The following HCRTR2 variants were observed in gnomAD, a reference collection of about 807,000 sequenced individuals.
HCRTR2 encodes the protein hypocretin receptor 2.
Under a neutral mutation model 49.0 loss-of-function variants are expected in HCRTR2, and 22 were observed. The ratio of observed to expected loss-of-function variants is 0.45; its 90% CI spans 0.32 to 0.64. HCRTR2 has a LOEUF of 0.64. HCRTR2 is among the 30% of genes least tolerant of loss of function. HCRTR2 has a pLI of 0.04. For missense variants in HCRTR2, 491 were observed against 559.4 expected (o/e 0.88, Z 1.23); for synonymous variants, 236 against 205.3 (o/e 1.15, Z -1.28).
chr6:55,174,552 C>G lies in HCRTR2; in HGVS notation c.-36C>G. 1 of 1,546,326 alleles carries G rather than the reference C, an allele frequency of 6.5e-7. No homozygotes were observed. The highest frequency in any genetic ancestry group is 1.4e-5 in the African/African-American group (1 of 73,618). ...TGCTCATGGGGCAGGCGGAGAGGAG[C>G]TTGCAGCATTGAGCGGAACCGGACT... is the stretch of plus-strand genomic sequence containing the variant. On this transcript the variant is annotated 5_prime_UTR_variant, in exon 1 of 7. Coordinates refer to ENST00000370862, the MANE Select transcript of HCRTR2 (RefSeq NM_001384272.1).
chr6:55,269,328 CTG>C (rs1766926480), intron 4 of HCRTR2, among the ~76,000 whole-genome samples: 1 of 151,842 alleles, frequency 6.6e-6, no homozygotes, highest in African/African-American at 2.4e-5. Context: ...TTGAACAGAA[CTG>C]ATTCTTTTCA....
At chr6:55,208,615 C>G (rs73437015) in intron 1 of HCRTR2, among the ~76,000 whole-genome samples, 1 of 151,956 alleles carries the variant, frequency 6.6e-6, no homozygotes, top group Admixed American at 6.6e-5. Flanking sequence ...AAGTTTTATT[C>G]GTGATGTTAT....
At chr6:55,242,439 T>C (rs766620118) in intron 1 of HCRTR2, among the ~76,000 whole-genome samples, 2 of 152,160 alleles carry the variant, frequency 1.3e-5, no homozygotes, top group Admixed American at 6.6e-5. Flanking sequence ...GAGTACCTCA[T>C]ATAAGTGGAA....
intron 1 of HCRTR2, among the ~76,000 whole-genome samples, chr6:55,131,248 T>C (rs1764351359): frequency 6.6e-6 from 1 of 151,828 alleles, no homozygotes; most frequent in African/African-American, 2.4e-5. Context: ...GAATACACAG[T>C]AGTTCCCCTT....
intron 1 of HCRTR2, among the ~76,000 whole-genome samples, chr6:55,223,776 A>T (rs1765944335): frequency 6.6e-6 from 1 of 152,116 alleles, no homozygotes; most frequent in South Asian, 2.1e-4. Flanking sequence ...CAACTTACCT[A>T]GAAAAAAAAA....
intron 1 of HCRTR2, among the ~76,000 whole-genome samples, chr6:55,244,361 T>C (rs1766391414): frequency 2.0e-5 from 3 of 151,936 alleles, no homozygotes; most frequent in Non-Finnish European, 2.9e-5. Flanking sequence ...CATTAATGGA[T>C]AAAACATATA....
At chr6:55,230,227 T>C (rs370872625) in intron 1 of HCRTR2, among the ~76,000 whole-genome samples, 2 of 152,240 alleles carry the variant, frequency 1.3e-5, no homozygotes, top group South Asian at 2.1e-4. Context: ...TTAAAGTCTT[T>C]AGTACAGATT....
At chr6:55,216,043 C>T (rs1253622669) in intron 1 of HCRTR2, among the ~76,000 whole-genome samples, 2 of 152,174 alleles carry the variant, frequency 1.3e-5, no homozygotes, top group East Asian at 3.9e-4. Flanking sequence ...AAGAGCCAAA[C>T]TGGCTTTTAT....
intron 1 of HCRTR2, among the ~76,000 whole-genome samples, chr6:55,134,834 T>C (rs4434472): frequency 0.25 from 37,270 of 151,866 alleles, 4,981 homozygotes; most frequent in African/African-American, 0.33. Flanking sequence ...GACTGAATAA[T>C]ATTTCATTCT....
chr6:55,224,375 T>C lies in HCRTR2; in HGVS notation c.224-24264T>C, dbSNP rs543217303. Reference sequence around the variant, plus strand: ...GCTCACGCCTGTAATCGCAGCACTTTGGGAGGCCGAGGCGGGCAGATCACG... The same window carrying C: ...GCTCACGCCTGTAATCGCAGCACTTCGGGAGGCCGAGGCGGGCAGATCACG... On this transcript the variant is annotated intron_variant, in intron 1 of 6. Coordinates refer to ENST00000370862, the MANE Select transcript of HCRTR2 (RefSeq NM_001384272.1). 8.7e-4 allele frequency among the ~76,000 whole-genome samples: 133 copies of C among 152,138 alleles called. 3 individuals carry two copies. In the South Asian group the frequency reaches 0.027, roughly 31 times the overall value.
chr6:55,279,416 C>T (rs1767143427), intron 5 of HCRTR2, among the ~76,000 whole-genome samples: 2 of 148,460 alleles, frequency 1.3e-5, no homozygotes, highest in Non-Finnish European at 2.9e-5. Context: ...CGTATTATTT[C>T]ACTCTATATA....
chr6:55,131,337 A>G (rs963148428), intron 1 of HCRTR2, among the ~76,000 whole-genome samples: 2 of 151,838 alleles, frequency 1.3e-5, no homozygotes, highest in South Asian at 2.1e-4. Flanking sequence ...AATGTAATTT[A>G]TCTTTAAAGA....
chr6:55,271,204 T>C (rs1373217150), intron 4 of HCRTR2, among the ~76,000 whole-genome samples: 1 of 152,120 alleles, frequency 6.6e-6, no homozygotes, highest in Non-Finnish European at 1.5e-5. Flanking sequence ...GTCATATAGA[T>C]CAGTGGAATA....
At chr6:55,219,175 T>C (rs142631875) in intron 1 of HCRTR2, among the ~76,000 whole-genome samples, 15 of 152,252 alleles carry the variant, frequency 9.9e-5, no homozygotes, top group African/African-American at 3.6e-4. Flanking sequence ...GAGAAGCGGA[T>C]TGAACAACGT....
intron 1 of HCRTR2, among the ~76,000 whole-genome samples, chr6:55,119,258 G>T (rs1015955557): frequency 6.6e-6 from 1 of 151,986 alleles, no homozygotes; most frequent in African/African-American, 2.4e-5. Flanking sequence ...ACGTGTGCAT[G>T]TGTCTTTATA....
intron 1 of HCRTR2, among the ~76,000 whole-genome samples, chr6:55,146,687 G>A (rs888111420): frequency 3.9e-5 from 6 of 151,902 alleles, no homozygotes; most frequent in African/African-American, 1.5e-4. Flanking sequence ...TCTGCCTAGG[G>A]ATTTTGTTTA....
chr6:55,261,562 T>C (rs903086079), intron 3 of HCRTR2, among the ~76,000 whole-genome samples: 1 of 152,028 alleles, frequency 6.6e-6, no homozygotes, highest in African/African-American at 2.4e-5. Flanking sequence ...GAGCCTGTAA[T>C]TGGTGTCTGG....
chr6:55,226,846 G>A (rs544964894), intron 1 of HCRTR2, among the ~76,000 whole-genome samples: 2 of 150,486 alleles, frequency 1.3e-5, no homozygotes, highest in South Asian at 4.2e-4. Context: ...AGCCTCCCGA[G>A]TAGCTGGGAC....
chr6:55,282,507 C>A lies in HCRTR2; in HGVS notation c.*53C>A. 1.0e-6 allele frequency: 1 copy of A among 967,314 alleles called. No individual in the cohort carries two copies. Among genetic ancestry groups the A allele is most frequent in the Non-Finnish European group, 1.6e-6 (1 of 616,298 alleles). 59.9% of individuals were successfully genotyped at this position (967,314 alleles called of 1,614,324 possible). A position where few individuals can be genotyped will look rare whatever the true frequency, so the allele number is the denominator to read the frequency against. On this transcript the variant is annotated 3_prime_UTR_variant, in exon 7 of 7. Transcript: ENST00000370862. ...TGAGTAAAACTATCCTTTTTAAAAT[C>A]ACTGGGAACAGAAATTTTATTATCC... is the stretch of plus-strand genomic sequence containing the variant.
Sources: allele counts gnomAD v4.1 joint callset (sites outside exome capture counted in the v4.1 genomes callset), GRCh38; gene constraint gnomAD v4.1.1; transcripts MANE v1.5; gene names NCBI Gene and HGNC (gene_info 2026-07-23, HGNC 2026-07-21).